The following CNTN6 variants were observed in gnomAD, a reference collection of about 807,000 sequenced individuals.
CNTN6 encodes contactin 6, also known as contactin-6.
In CNTN6, 137 loss-of-function variants were observed where a neutral mutation model predicts 122.8. The ratio of observed to expected loss-of-function variants is 1.12; its 90% confidence interval spans 0.97 to 1.29. The LOEUF (loss-of-function observed/expected upper bound fraction) is 1.29. Among genes scored for constraint, CNTN6 ranks in the 50% most tolerant of loss-of-function variants. The probability of loss-of-function intolerance (pLI) is 0.00; values close to 1 mark genes in which losing one functional copy is unlikely to be tolerated. For synonymous variants in CNTN6, 570 were observed against 426.0 expected (o/e 1.34, Z -4.16); for missense variants, 1,634 against 1,223.4 (o/e 1.34, Z -5.01).
intron 7 of CNTN6, among the ~76,000 whole-genome samples, chr3:1,302,367 T>C (rs1448707843): frequency 1.3e-5 from 2 of 152,154 alleles, no homozygotes; most frequent in East Asian, 1.9e-4. Flanking sequence ...GAAAAGCTAG[T>C]TGACTTGAGG....
At chr3:1,221,213 G>A (rs923786530) in intron 3 of CNTN6, among the ~76,000 whole-genome samples, 1 of 151,640 alleles carries the variant, frequency 6.6e-6, no homozygotes, top group Non-Finnish European at 1.5e-5. Flanking sequence ...AGTAACACAG[G>A]AAGCCAGGAA....
intron 2 of CNTN6, among the ~76,000 whole-genome samples, chr3:1,193,986 A>G (rs187933562): frequency 4.3e-4 from 66 of 152,184 alleles, no homozygotes; most frequent in African/African-American, 1.4e-3. Flanking sequence ...TTTTTCCCCA[A>G]AGCATGTGTT....
intron 4 of CNTN6, among the ~76,000 whole-genome samples, chr3:1,264,844 CT>C (rs1256225996): frequency 9.2e-5 from 14 of 152,062 alleles, no homozygotes; most frequent in Admixed American, 1.3e-4. Context: ...CACTGTTTGA[CT>C]AACATTTCCC....
At position 1,283,857 on chromosome 3, in the gene CNTN6, G is replaced by A. The variant is rs370202269; in HGVS notation, c.454+5349G>A. On this transcript the variant is annotated intron_variant, in intron 5 of 22. Coordinates refer to ENST00000446702, the MANE Select transcript of CNTN6 (RefSeq NM_001289080.2). ...TGTCCTAAAAATACAAAAATTAGCC[G>A]GGTGTGGTGGCAGGCGCCTGTAATC... Among the ~76,000 whole-genome samples, 212 of 152,172 alleles carry A rather than the reference G, an allele frequency of 1.4e-3. 2 individuals are homozygous for A. The South Asian group carries it at 0.018, about 13-fold the overall frequency.
At chr3:1,332,571 A>G (rs1357066376) in intron 11 of CNTN6, among the ~76,000 whole-genome samples, 2 of 151,676 alleles carry the variant, frequency 1.3e-5, no homozygotes, top group Non-Finnish European at 2.9e-5. Flanking sequence ...GGAAAGAAAG[A>G]AAGAGAGAGA....
chr3:1,352,051 T>A (rs1396382931), intron 11 of CNTN6, among the ~76,000 whole-genome samples: 1 of 151,938 alleles, frequency 6.6e-6, no homozygotes, highest in African/African-American at 2.4e-5. Context: ...CAAGCACTGC[T>A]TTTATTTTTA....
At chr3:1,297,577 A>G (rs1270486173) in intron 6 of CNTN6, among the ~76,000 whole-genome samples, 6 of 151,270 alleles carry the variant, frequency 4.0e-5, no homozygotes, top group African/African-American at 1.5e-4. Context: ...TTGGACTAAG[A>G]CCTACTGCAG....
intron 1 of CNTN6, among the ~76,000 whole-genome samples, chr3:1,099,374 C>T (rs2090749441): frequency 1.3e-5 from 2 of 152,096 alleles, no homozygotes; most frequent in South Asian, 4.2e-4. Flanking sequence ...TGGCGGGAAC[C>T]CGGGGGGCGG....
intron 1 of CNTN6, among the ~76,000 whole-genome samples, chr3:1,119,664 C>G (rs2091878091): frequency 6.7e-6 from 1 of 149,768 alleles, no homozygotes; most frequent in Non-Finnish European, 1.5e-5. Flanking sequence ...CTACCCTTTC[C>G]TTTATTCACT....
At position 1,161,920 on chromosome 3, in the gene CNTN6, ATATTT is replaced by A. The variant is rs113916038; in HGVS notation, c.55+13864_55+13868del. On this transcript the variant is annotated intron_variant, in intron 2 of 22. Coordinates refer to ENST00000446702, the MANE Select transcript of CNTN6 (RefSeq NM_001289080.2). ...TATTTTAGCACTAATTTAGATTTTG[ATATTT>A]TATTTTTCATACAGAATTAGTACTA... 1.7e-3 allele frequency among the ~76,000 whole-genome samples: 264 copies of A among 152,098 alleles called. 1 individual carries two copies. Among genetic ancestry groups the A allele is most frequent in the African/African-American group, 5.7e-3 (235 of 41,500 alleles).
At chr3:1,321,188 T>C (rs991898421) in intron 7 of CNTN6, among the ~76,000 whole-genome samples, 8 of 151,734 alleles carry the variant, frequency 5.3e-5, no homozygotes, top group Non-Finnish European at 1.0e-4. Flanking sequence ...TTAGAAACTA[T>C]AAATATATAT....
In CNTN6 at chr3:1,263,696, T is replaced by C. The variant is rs1444413862; in HGVS notation, c.359-14717T>C. On this transcript the variant is annotated intron_variant, in intron 4 of 22. Transcript: ENST00000446702. ...ATTTCTTAATTTATTAAACATGTTCTTGTTGAATACCTGCTTTTTGCAAAC... is the reference window on the plus strand; with the variant it reads ...ATTTCTTAATTTATTAAACATGTTCCTGTTGAATACCTGCTTTTTGCAAAC... Among the ~76,000 whole-genome samples, 3 of 152,128 alleles carry C rather than the reference T, an allele frequency of 2.0e-5. No homozygotes were observed. The East Asian group carries it at 5.8e-4, about 29-fold the overall frequency.
At chr3:1,275,045 T>C (rs1379914362) in intron 4 of CNTN6, among the ~76,000 whole-genome samples, 2 of 152,184 alleles carry the variant, frequency 1.3e-5, no homozygotes, top group Non-Finnish European at 2.9e-5. Flanking sequence ...CTGCAGTCCA[T>C]CTTTTACAAG....
chr3:1,311,785 G>T (rs265808), intron 7 of CNTN6, among the ~76,000 whole-genome samples: 3 of 151,244 alleles, frequency 2.0e-5, no homozygotes, highest in Non-Finnish European at 4.4e-5. Flanking sequence ...ATATTTGTTT[G>T]TAAATTTTTT....
At chr3:1,274,750 G>T (rs555905002) in intron 4 of CNTN6, among the ~76,000 whole-genome samples, 1 of 152,110 alleles carries the variant, frequency 6.6e-6, no homozygotes, top group Non-Finnish European at 1.5e-5. Flanking sequence ...TCTGAACTTT[G>T]TATCAGTCAG....
chr3:1,378,284 TCA>T lies in CNTN6; in HGVS notation c.2166+1210_2166+1211del, dbSNP rs1046382055. ...GGATCTCTTCCCCACTTTAAATTTC[TCA>T]GACATTTGTCAGTTAAATGAACCTG... On this transcript the variant is annotated intron_variant, in intron 17 of 22. Coordinates refer to ENST00000446702, the MANE Select transcript of CNTN6 (RefSeq NM_001289080.2). 3.3e-4 allele frequency among the ~76,000 whole-genome samples: 50 copies of T among 152,204 alleles called. 1 individual carries two copies. Among genetic ancestry groups the T allele is most frequent in the African/African-American group, 1.1e-3 (47 of 41,444 alleles).
chr3:1,315,591 A>C (rs1480369192), intron 7 of CNTN6, among the ~76,000 whole-genome samples: 3 of 152,036 alleles, frequency 2.0e-5, no homozygotes, highest in Non-Finnish European at 4.4e-5. Flanking sequence ...CATAGTAAGC[A>C]CTCAGTTAAT....
chr3:1,380,471 T>C (rs554636117), intron 17 of CNTN6, among the ~76,000 whole-genome samples: 2 of 152,216 alleles, frequency 1.3e-5, no homozygotes, highest in Non-Finnish European at 2.9e-5. Flanking sequence ...ATAATGTGTA[T>C]ACTCCCAAAT....
chr3:1,302,884 C>G (rs1697665620), intron 7 of CNTN6, among the ~76,000 whole-genome samples: 2 of 151,948 alleles, frequency 1.3e-5, no homozygotes, highest in Non-Finnish European at 2.9e-5. Context: ...ATTTGTTTTA[C>G]ATTATCTTTT....
Sources: allele counts gnomAD v4.1 joint callset (sites outside exome capture counted in the v4.1 genomes callset), GRCh38; gene constraint gnomAD v4.1.1; transcripts MANE v1.5; gene names NCBI Gene and HGNC (gene_info 2026-07-23, HGNC 2026-07-21).